The following TPST2 variants were observed in gnomAD, a reference collection of about 807,000 sequenced individuals.
TPST2 encodes the protein protein-tyrosine sulfotransferase 2.
A neutral mutation model predicts 27.8 loss-of-function variants in TPST2; 16 were observed. That is an observed-to-expected ratio of 0.58 (90% CI 0.39 to 0.88). The LOEUF is 0.88. TPST2 is among the 40% of genes least tolerant of loss of function. The pLI, the probability that TPST2 is intolerant of heterozygous loss-of-function variation, is 0.00. For missense variants in TPST2, 464 were observed against 543.1 expected (o/e 0.85, Z 1.45); for synonymous variants, 229 against 231.7 (o/e 0.99, Z 0.10).
chr22:26,570,053 A>C (rs11704297), intron 1 of TPST2, among the ~76,000 whole-genome samples: 59,829 of 130,828 alleles, frequency 0.46, 14,931 homozygotes, highest in Non-Finnish European at 0.46. Context: ...GACAGAAAGA[A>C]AGAAAGAAAG....
chr22:26,529,563 C>G (rs1925035641), intron 5 of TPST2, among the ~76,000 whole-genome samples: 1 of 152,162 alleles, frequency 6.6e-6, no homozygotes, highest in African/African-American at 2.4e-5. Flanking sequence ...ATCAGTCATG[C>G]CTCTATGATG....
chr22:26,588,281 A>G (rs902871756), intron 1 of TPST2, among the ~76,000 whole-genome samples: 1 of 152,216 alleles, frequency 6.6e-6, no homozygotes, highest in Non-Finnish European at 1.5e-5. Flanking sequence ...GAAAAGCATC[A>G]GATACCAAAG....
chr22:26,586,844 T>G (rs1346095987), intron 1 of TPST2, among the ~76,000 whole-genome samples: 1 of 152,208 alleles, frequency 6.6e-6, no homozygotes, highest in African/African-American at 2.4e-5. Context: ...ACCTGAGTTC[T>G]TCCGGTGCAG....
chr22:26,578,453 C>T (rs142836472), intron 1 of TPST2, among the ~76,000 whole-genome samples: 87 of 152,300 alleles, frequency 5.7e-4, no homozygotes, highest in African/African-American at 2.0e-3. Context: ...TGAAGAAGCC[C>T]TCCATCCACG....
At chr22:26,543,224 T>C (rs917602327) in intron 2 of TPST2, 1 of 152,212 alleles carries the variant, frequency 6.6e-6, no homozygotes, top group Non-Finnish European at 1.5e-5. Flanking sequence ...AAAAACGTGC[T>C]GATGAAGTTC....
intron 3 of TPST2, 126 bp downstream of exon 3, chr22:26,540,663 G>A: frequency 6.1e-6 from 5 of 814,464 alleles, no homozygotes; most frequent in Non-Finnish European, 9.2e-6. Flanking sequence ...ATGAAACGGA[G>A]GCTCAGAGAG....
At chr22:26,545,017 T>C (rs1926044720) in intron 1 of TPST2, among the ~76,000 whole-genome samples, 1 of 152,004 alleles carries the variant, frequency 6.6e-6, no homozygotes, top group Non-Finnish European at 1.5e-5. Context: ...GAAAAGTAAA[T>C]ATAACAATAA....
At chr22:26,545,523 T>C (rs751867143) in intron 1 of TPST2, among the ~76,000 whole-genome samples, 2 of 152,086 alleles carry the variant, frequency 1.3e-5, no homozygotes, top group Non-Finnish European at 2.9e-5. Flanking sequence ...GTAGGGAAGA[T>C]TTTTAGTCCA....
chr22:26,536,024 A>G (rs1925437878), intron 4 of TPST2: 2 of 602,166 alleles, frequency 3.3e-6, no homozygotes, highest in African/African-American at 1.8e-5. Context: ...TTAGAGAAAT[A>G]AGATGAAATT....
At chr22:26,538,209 C>T (rs1434879192) in intron 3 of TPST2, among the ~76,000 whole-genome samples, 3 of 152,134 alleles carry the variant, frequency 2.0e-5, no homozygotes, top group Non-Finnish European at 4.4e-5. Flanking sequence ...CAAGACCGGG[C>T]GTGAGGTGAG....
intron 1 of TPST2, among the ~76,000 whole-genome samples, chr22:26,572,754 G>T (rs1395464735): frequency 6.6e-6 from 1 of 152,064 alleles, no homozygotes; most frequent in South Asian, 2.1e-4. Context: ...CACGGGCTGG[G>T]AGGCATTGCA....
At position 26,572,511 on chromosome 22, in the gene TPST2, C is replaced by CT. The variant is rs1280532025; in HGVS notation, c.-161+17541dup. On this transcript the variant is annotated intron_variant, in intron 1 of 6. Coordinates refer to ENST00000338754, the MANE Select transcript of TPST2 (RefSeq NM_003595.5). ...TGCTATGGAAGCTGGGTTTCTGTCT[C>CT]TGTTTATCAAGAGTCCTAGCTAATA... Among the ~76,000 whole-genome samples, 4 of 152,152 alleles carry CT rather than the reference C, an allele frequency of 2.6e-5. No individual in the cohort carries two copies. In the East Asian group the frequency reaches 7.7e-4, roughly 29 times the overall value.
At chr22:26,571,336 C>T (rs1004694475) in intron 1 of TPST2, among the ~76,000 whole-genome samples, 3 of 152,186 alleles carry the variant, frequency 2.0e-5, no homozygotes, top group Non-Finnish European at 2.9e-5. Context: ...TCCTCTCTCA[C>T]ATCGCACTTC....
intron 1 of TPST2, among the ~76,000 whole-genome samples, chr22:26,567,657 A>G (rs1051074015): frequency 6.6e-6 from 1 of 152,236 alleles, no homozygotes; most frequent in Non-Finnish European, 1.5e-5. Flanking sequence ...AAAGATATTT[A>G]TAATACATCT....
chr22:26,569,648 TAA>T lies in TPST2; in HGVS notation c.-161+20403_-161+20404del, dbSNP rs1034169365. ...TGGGCAACAGAGAGACTTTGTCTCC[TAA>T]AAAAAAAGAAAATTAATGGCCTGGC... On this transcript the variant is annotated intron_variant, in intron 1 of 6. Transcript: ENST00000338754. 4.4e-5 allele frequency among the ~76,000 whole-genome samples: 6 copies of T among 136,190 alleles called. No homozygotes were observed. In the South Asian group the frequency reaches 1.4e-3, roughly 32 times the overall value. 89.3% of individuals were successfully genotyped at this position (136,190 alleles called of 152,430 possible). A position where few individuals can be genotyped will look rare whatever the true frequency, so the allele number is the denominator to read the frequency against.
intron 3 of TPST2, among the ~76,000 whole-genome samples, chr22:26,537,066 G>GTC (rs1925511621): frequency 6.6e-6 from 1 of 150,726 alleles, no homozygotes; most frequent in Non-Finnish European, 1.5e-5. Context: ...AAAAAAAAAA[G>GTC]AAACACTTTT....
In TPST2 at chr22:26,541,638, C is replaced by A; in HGVS notation, c.-8G>T. 6.4e-7 allele frequency: 1 copy of A among 1,556,928 alleles called. No homozygotes were observed. The highest frequency in any genetic ancestry group is 8.6e-7 in the Non-Finnish European group (1 of 1,157,742). ...CCGCACCGACAGGCGCATGCTGGGC[C>A]GGAGGCAGGGTAGGCCTGGCCTGAG... On this transcript the variant is annotated 5_prime_UTR_variant, in exon 3 of 7. Coordinates refer to ENST00000338754, the MANE Select transcript of TPST2 (RefSeq NM_003595.5). The surrounding 1 kb of genome is among the most constrained non-coding windows in gnomAD (Gnocchi z 5.9).
intron 3 of TPST2, among the ~76,000 whole-genome samples, chr22:26,537,816 T>A (rs568623732): frequency 1.8e-4 from 27 of 151,840 alleles, no homozygotes; most frequent in Admixed American, 3.3e-4. Context: ...GCTCTCTCTC[T>A]CACACACACA....
intron 1 of TPST2, among the ~76,000 whole-genome samples, chr22:26,561,917 C>A (rs1927118485): frequency 6.6e-6 from 1 of 152,210 alleles, no homozygotes; most frequent in African/African-American, 2.4e-5. Context: ...TCCTTCCTCG[C>A]AGGCTCCAAA....
Sources: allele counts gnomAD v4.1 joint callset (sites outside exome capture counted in the v4.1 genomes callset), GRCh38; gene constraint gnomAD v4.1.1; non-coding constraint Gnocchi (gnomAD v3.1); transcripts MANE v1.5; gene names NCBI Gene and HGNC (gene_info 2026-07-23, HGNC 2026-07-21).